Variants in DAB1 observed in about 807,000 individuals in gnomAD.
DAB1 encodes DAB adaptor protein 1, also known as disabled homolog 1.
In DAB1, 15 loss-of-function variants were observed where a neutral mutation model predicts 64.6. The observed-to-expected ratio is 0.23, with a 90% CI of 0.16 to 0.36. The LOEUF (loss-of-function observed/expected upper bound fraction) is 0.36. DAB1 is among the 10% of genes least tolerant of loss of function. The pLI, the probability that DAB1 is intolerant of heterozygous loss-of-function variation, is 1.00. For synonymous variants in DAB1, 235 were observed against 251.9 expected, an observed-to-expected ratio of 0.93 and a Z score of 0.64; for missense variants, 596 against 706.7, an observed-to-expected ratio of 0.84 and a Z score of 1.78.
intron 5 of DAB1, among the ~76,000 whole-genome samples, chr1:58,067,626 A>G (rs930457121): frequency 6.6e-5 from 10 of 152,246 alleles, no homozygotes; most frequent in African/African-American, 2.4e-4. Context: ...ATCTATAATC[A>G]ATCTATCTAT....
chr1:58,152,447 C>T (rs940232021), intron 4 of DAB1, among the ~76,000 whole-genome samples: 1 of 152,138 alleles, frequency 6.6e-6, no homozygotes, highest in Non-Finnish European at 1.5e-5. Flanking sequence ...ATGACATTGC[C>T]CATTGGCACA....
At chr1:57,551,587 G>A (rs940201240) in intron 7 of DAB1, among the ~76,000 whole-genome samples, 1 of 152,146 alleles carries the variant, frequency 6.6e-6, no homozygotes, top group African/African-American at 2.4e-5. Context: ...GGATGGGAGA[G>A]GGGGTGGCGT....
At chr1:57,290,288 G>A (rs1444000987) in intron 2 of DAB1, among the ~76,000 whole-genome samples, 1 of 152,132 alleles carries the variant, frequency 6.6e-6, no homozygotes, top group Admixed American at 6.6e-5. Context: ...AGGATTTCGG[G>A]CTGGATTAAG....
intron 6 of DAB1, among the ~76,000 whole-genome samples, chr1:57,775,070 T>C (rs1250760846): frequency 1.3e-5 from 2 of 151,724 alleles, no homozygotes; most frequent in African/African-American, 4.8e-5. Context: ...TTCATAATGT[T>C]ACTTTATTAA....
intron 4 of DAB1, among the ~76,000 whole-genome samples, chr1:57,080,907 A>G (rs1470379643): frequency 6.6e-6 from 1 of 152,186 alleles, no homozygotes; most frequent in Non-Finnish European, 1.5e-5. Context: ...GTTCTGTCTC[A>G]TTCAACTCAC....
At chr1:57,168,285 A>G (rs140415196) in intron 2 of DAB1, among the ~76,000 whole-genome samples, 73 of 152,340 alleles carry the variant, frequency 4.8e-4, no homozygotes, top group African/African-American at 1.6e-3. Context: ...AAAATATTTC[A>G]TCACATAGTT....
At chr1:57,720,721 A>T (rs936381274) in intron 6 of DAB1, among the ~76,000 whole-genome samples, 3 of 152,122 alleles carry the variant, frequency 2.0e-5, no homozygotes, top group African/African-American at 7.2e-5. Context: ...TTATTTATTT[A>T]TTTATTTTTC....
intron 7 of DAB1, among the ~76,000 whole-genome samples, chr1:57,568,661 C>A (rs2101527145): frequency 6.6e-6 from 1 of 152,260 alleles, no homozygotes; most frequent in South Asian, 2.1e-4. Flanking sequence ...ATGCAGCCAA[C>A]AGACACATGA....
At chr1:58,006,314 TA>T (rs1395558946) in intron 5 of DAB1, among the ~76,000 whole-genome samples, 3 of 152,170 alleles carry the variant, frequency 2.0e-5, no homozygotes, top group Non-Finnish European at 4.4e-5. Context: ...TCCTCATGGG[TA>T]AAAGCAGAAG....
At chr1:57,961,972 CA>C (rs35916541) in intron 5 of DAB1, among the ~76,000 whole-genome samples, 99 of 140,978 alleles carry the variant, frequency 7.0e-4, no homozygotes, top group East Asian at 6.5e-4. Context: ...AACTCTGTCT[CA>C]AAAAAAAAAA....
intron 7 of DAB1, among the ~76,000 whole-genome samples, chr1:57,439,473 G>A (rs1430633950): frequency 3.3e-5 from 4 of 122,008 alleles, no homozygotes; most frequent in Admixed American, 2.7e-4. Context: ...CTGTAGCCCA[G>A]GCTGGAGTGC....
chr1:57,252,290 AACCC>A (rs2100523716), intron 2 of DAB1, among the ~76,000 whole-genome samples: 1 of 152,284 alleles, frequency 6.6e-6, no homozygotes, highest in East Asian at 1.9e-4. Flanking sequence ...AGCTACAGTA[AACCC>A]AGTCCCTATA....
At chr1:57,779,441 G>C (rs1284325214) in intron 6 of DAB1, among the ~76,000 whole-genome samples, 1 of 152,160 alleles carries the variant, frequency 6.6e-6, no homozygotes, top group African/African-American at 2.4e-5. Context: ...TAAGGGTGAA[G>C]TGCCATGGAA....
intron 7 of DAB1, among the ~76,000 whole-genome samples, chr1:57,574,539 A>G (rs564888158): frequency 1.3e-5 from 2 of 152,224 alleles, no homozygotes; most frequent in African/African-American, 4.8e-5. Context: ...ACAGGTTCAA[A>G]CTGACCAGTA....
intron 6 of DAB1, among the ~76,000 whole-genome samples, chr1:57,739,905 A>G (rs1570783927): frequency 6.6e-6 from 1 of 152,144 alleles, no homozygotes; most frequent in Admixed American, 6.5e-5. Flanking sequence ...TTAAAATAAT[A>G]TATCTTCAGC....
chr1:57,495,566 A>T (rs975682984), intron 7 of DAB1, among the ~76,000 whole-genome samples: 2 of 152,180 alleles, frequency 1.3e-5, no homozygotes, highest in African/African-American at 2.4e-5. Context: ...CGTATAGGTA[A>T]TGATGGCTGA....
intron 5 of DAB1, among the ~76,000 whole-genome samples, chr1:58,120,578 G>T (rs1652676829): frequency 6.6e-6 from 1 of 152,036 alleles, no homozygotes; most frequent in Non-Finnish European, 1.5e-5. Context: ...ACAATGTCTG[G>T]CCCACGGAAG....
At chr1:57,375,051 T>C (rs1680791120) in intron 1 of DAB1, among the ~76,000 whole-genome samples, 1 of 152,162 alleles carries the variant, frequency 6.6e-6, no homozygotes, top group African/African-American at 2.4e-5. Context: ...TAGTGCTTGT[T>C]CTGCCACTCT....
rs370018020 is a variant in DAB1, at chr1:58,132,027, C to G, written n.387+18484G>C. Among the ~76,000 whole-genome samples the G allele has an allele frequency of 2.0e-4, 30 of 152,146 alleles. No homozygotes were observed. The East Asian group carries it at 2.3e-3, about 12-fold the overall frequency. On this transcript the variant is annotated intron_variant and non_coding_transcript_variant, in intron 5 of 20. Coordinates refer to the DAB1 transcript ENST00000485760. ...GGCTGCTTTCTTTACCTAATCAAGC[C>G]TGGGCAATGGCGGGCGCCCCTCCCC...
Sources: gnomAD v4.1 joint callset for allele counts (sites outside exome capture counted in the v4.1 genomes callset) on GRCh38, gnomAD v4.1.1 for gene constraint, MANE v1.5 for transcripts, NCBI Gene and HGNC (gene_info 2026-07-23, HGNC 2026-07-21) for gene names.